Variants in AAK1 observed in about 807,000 individuals in gnomAD.
AAK1 encodes the protein AP2-associated protein kinase 1.
AAK1 carries 37 observed loss-of-function variants against 116.0 expected under a neutral mutation model. The observed-to-expected ratio is 0.32, with a 90% confidence interval of 0.25 to 0.42. The LOEUF (loss-of-function observed/expected upper bound fraction) is 0.42, where lower values mean the gene tolerates loss of function less well. Ranked by LOEUF, AAK1 falls within the 10% of genes least tolerant of loss-of-function variation. The pLI, the probability that AAK1 is intolerant of heterozygous loss-of-function variation, is 1.00. For missense variants in AAK1, 919 were observed against 1,170.6 expected (o/e 0.79, Z 3.14); for synonymous variants, 458 against 439.9 (o/e 1.04, Z -0.51).
intron 17 of AAK1, among the ~76,000 whole-genome samples, chr2:69,483,823 GAGCCACC>G (rs749104417): frequency 3.9e-5 from 6 of 152,194 alleles, no homozygotes; most frequent in Admixed American, 6.5e-5. Flanking sequence ...AAGGACGCCT[GAGCCACC>G]AGACTTGTCA....
At chr2:69,488,949 C>T (rs1675410702) in intron 17 of AAK1, among the ~76,000 whole-genome samples, 1 of 151,950 alleles carries the variant, frequency 6.6e-6, no homozygotes, top group Non-Finnish European at 1.5e-5. Flanking sequence ...CCCAGCACTC[C>T]TACCTCAGCC....
intron 2 of AAK1, among the ~76,000 whole-genome samples, chr2:69,601,705 G>A (rs533734456): frequency 3.1e-4 from 47 of 152,032 alleles, no homozygotes; most frequent in Admixed American, 4.6e-4. Flanking sequence ...CTGCCTAAAC[G>A]GACTGAATGG....
In AAK1 at chr2:69,461,909, A is replaced by G; in HGVS notation, c.*13960T>C. 1 of 181,758 alleles carries G rather than the reference A, an allele frequency of 5.5e-6. No homozygotes were observed. The highest frequency in any genetic ancestry group is 1.2e-5 in the Non-Finnish European group (1 of 85,048). 11.3% of individuals were successfully genotyped at this position (181,758 alleles called of 1,614,324 possible). ...GCCTGGCCTCCAGTGAAAAATTTAA[A>G]AAGGATACAAGCTCATACTTGACGA... is the stretch of plus-strand genomic sequence containing the variant. On this transcript the variant is annotated 3_prime_UTR_variant, in exon 22 of 22. Coordinates refer to ENST00000409085, the MANE Select transcript of AAK1 (RefSeq NM_014911.5).
Position 69,527,084 on chromosome 2 carries a change from G to A in AAK1, c.975+132C>T, listed in dbSNP as rs543554265. 3.0e-4 allele frequency: 191 copies of A among 640,750 alleles called. No homozygotes were observed. In the African/African-American group the frequency reaches 3.1e-3, roughly 10 times the overall value. The allele number at this position is 640,750 out of a possible 1,614,324, so 39.7% of individuals were successfully genotyped here. On this transcript the variant is annotated intron_variant, in intron 9 of 21. Transcript: ENST00000409085. ...CTTTATGGCAACTGCTTCACAGTTAGCTTTGCTTGACTACCCCCAGTAGAT... is the reference window on the plus strand; with the variant it reads ...CTTTATGGCAACTGCTTCACAGTTAACTTTGCTTGACTACCCCCAGTAGAT...
At chr2:69,531,729 T>C (rs1194626409) in intron 6 of AAK1, 2 of 1,065,190 alleles carry the variant, frequency 1.9e-6, no homozygotes, top group Admixed American at 9.6e-5. Flanking sequence ...GCTAGTACTT[T>C]TACGGTGTGT....
chr2:69,475,647 C>G lies in AAK1; in HGVS notation c.*222G>C. ...ATTGAAGAAGGGTAATGAGAAAACA[C>G]AGCAAACTAACAAGGAGGAACTGGC... On this transcript the variant is annotated 3_prime_UTR_variant, in exon 22 of 22. Coordinates refer to ENST00000409085, the MANE Select transcript of AAK1 (RefSeq NM_014911.5). 5 of 1,339,418 alleles carry G rather than the reference C, an allele frequency of 3.7e-6. No homozygotes were observed. Among genetic ancestry groups the G allele is most frequent in the Non-Finnish European group, 4.8e-6 (5 of 1,044,050 alleles). 83.0% of individuals were successfully genotyped at this position (1,339,418 alleles called of 1,614,324 possible). A position where few individuals can be genotyped will look rare whatever the true frequency, so the allele number is the denominator to read the frequency against.
At chr2:69,569,283 A>G (rs938727518) in intron 2 of AAK1, among the ~76,000 whole-genome samples, 12 of 152,134 alleles carry the variant, frequency 7.9e-5, no homozygotes, top group African/African-American at 2.4e-4. Context: ...GCAAACATCC[A>G]TACACCCACC....
chr2:69,603,591 C>G (rs1673673783), intron 2 of AAK1, among the ~76,000 whole-genome samples: 1 of 152,130 alleles, frequency 6.6e-6, no homozygotes, highest in African/African-American at 2.4e-5. Flanking sequence ...AGGTTCTCAC[C>G]ACTCAGATAC....
intron 2 of AAK1, among the ~76,000 whole-genome samples, chr2:69,622,363 G>A (rs1178628601): frequency 2.4e-4 from 34 of 143,144 alleles, no homozygotes; most frequent in African/African-American, 7.6e-4. Flanking sequence ...CCTCCCCGAC[G>A]AGCGCCACCC....
At chr2:69,492,119 G>A (rs1444453646) in intron 17 of AAK1, among the ~76,000 whole-genome samples, 5 of 152,052 alleles carry the variant, frequency 3.3e-5, no homozygotes, top group African/African-American at 7.2e-5. Context: ...GTATCTATAA[G>A]ATCAAAGGTA....
chr2:69,549,903 C>G (rs1671103454), intron 3 of AAK1, among the ~76,000 whole-genome samples: 1 of 152,232 alleles, frequency 6.6e-6, no homozygotes, highest in Non-Finnish European at 1.5e-5. Flanking sequence ...GTTACTACAT[C>G]TTCCAACTTT....
At chr2:69,517,526 C>T (rs1201757020) in intron 12 of AAK1, among the ~76,000 whole-genome samples, 1 of 151,776 alleles carries the variant, frequency 6.6e-6, no homozygotes, top group African/African-American at 2.4e-5. Context: ...AAAGTACACG[C>T]TCCCTGATCT....
At chr2:69,562,481 T>G (rs935363862) in intron 2 of AAK1, among the ~76,000 whole-genome samples, 3 of 152,224 alleles carry the variant, frequency 2.0e-5, no homozygotes, top group African/African-American at 7.2e-5. Flanking sequence ...GCCTAGTTCT[T>G]TGCTGGGAGA....
chr2:69,551,893 G>A (rs1175321853), intron 3 of AAK1, among the ~76,000 whole-genome samples: 2 of 152,196 alleles, frequency 1.3e-5, no homozygotes, highest in Non-Finnish European at 2.9e-5. Context: ...CAGTGAAACC[G>A]CTAACAGTTC....
chr2:69,478,270 T>G (rs1490106346), intron 20 of AAK1, among the ~76,000 whole-genome samples: 2 of 152,230 alleles, frequency 1.3e-5, no homozygotes, highest in Non-Finnish European at 2.9e-5. Flanking sequence ...CATATGATCA[T>G]TATAGGCAGG....
chr2:69,514,762 T>C lies in AAK1; in HGVS notation c.1498-13A>G. 1 of 1,562,572 alleles carries C rather than the reference T, an allele frequency of 6.4e-7. No individual in the cohort carries two copies. Among genetic ancestry groups the C allele is most frequent in the East Asian group, 2.3e-5 (1 of 44,232 alleles). On this transcript the variant is annotated splice_polypyrimidine_tract_variant and intron_variant, in intron 12 of 21. Transcript: ENST00000409085. ...GTACTGCCTGAAACTGAGCAAGAAA[T>C]GAGGAGATGAATAAGGGCCTGTCCC...
At chr2:69,503,417 G>A (rs1047515395) in intron 16 of AAK1, among the ~76,000 whole-genome samples, 6 of 152,186 alleles carry the variant, frequency 3.9e-5, no homozygotes, top group South Asian at 4.1e-4. Context: ...TTGCTGAAGT[G>A]TTTATAATAG....
At chr2:69,585,622 A>G (rs551264857) in intron 2 of AAK1, among the ~76,000 whole-genome samples, 1 of 152,300 alleles carries the variant, frequency 6.6e-6, no homozygotes, top group South Asian at 2.1e-4. Context: ...CTGCATCGTT[A>G]AAGGCAGCCT....
At position 69,471,328 on chromosome 2, in the gene AAK1, T is replaced by G. The variant is rs1674669244; in HGVS notation, c.*4541A>C. The G allele has an allele frequency of 1.2e-5, 12 of 985,380 alleles. No homozygotes were observed. The highest frequency in any genetic ancestry group is 1.4e-5 in the Non-Finnish European group (12 of 829,950). The allele number at this position is 985,380 out of a possible 1,614,324, so 61.0% of individuals were successfully genotyped here. On this transcript the variant is annotated 3_prime_UTR_variant, in exon 22 of 22. Coordinates refer to ENST00000409085, the MANE Select transcript of AAK1 (RefSeq NM_014911.5). ...ATCTGGGAGAAGCAAAAGAGGTTTC[T>G]TGTTATAGATTTCCTAGCACTCATT...
Sources: allele counts gnomAD v4.1 joint callset (sites outside exome capture counted in the v4.1 genomes callset), GRCh38; gene constraint gnomAD v4.1.1; transcripts MANE v1.5; gene names NCBI Gene and HGNC (gene_info 2026-07-23, HGNC 2026-07-21).